The following ABCC1 variants were observed in gnomAD, a reference collection of about 807,000 sequenced individuals.
ABCC1 encodes ATP binding cassette subfamily C member 1 (ABCC1 blood group).
In ABCC1, 83 loss-of-function variants were observed where a neutral mutation model predicts 172.9. The ratio of observed to expected loss-of-function variants is 0.48; its 90% CI spans 0.40 to 0.58. ABCC1 has a LOEUF of 0.58. Ranked by LOEUF, ABCC1 falls within the 20% of genes least tolerant of loss-of-function variation. The probability of loss-of-function intolerance (pLI) is 0.00; values close to 1 mark genes in which losing one functional copy is unlikely to be tolerated. For missense variants in ABCC1, 1,817 were observed against 2,002.7 expected, an observed-to-expected ratio of 0.91 and a Z score of 1.77; for synonymous variants, 937 against 825.2, an observed-to-expected ratio of 1.14 and a Z score of -2.32.
At chr16:16,051,498 A>G (rs772487309) in intron 10 of ABCC1, among the ~76,000 whole-genome samples, 7 of 152,082 alleles carry the variant, frequency 4.6e-5, no homozygotes, top group Non-Finnish European at 1.0e-4. Flanking sequence ...AATACAGCAA[A>G]ATTAGCAAGG....
Position 16,106,608 on chromosome 16 carries a change from A to G in ABCC1, c.2736-130A>G, listed in dbSNP as rs1438678225. ...TGCATATATTCATATATATGTTTAC[A>G]TGTGTGCATGTGGAAACACTCCGTC... On this transcript the variant is annotated intron_variant, in intron 20 of 30. Coordinates refer to ENST00000399410, the MANE Select transcript of ABCC1 (RefSeq NM_004996.4). 2.6e-5 allele frequency: 27 copies of G among 1,040,554 alleles called. 1 individual carries two copies. The East Asian group carries it at 6.0e-4, about 23-fold the overall frequency. The allele number at this position is 1,040,554 out of a possible 1,614,324, so 64.5% of individuals were successfully genotyped here.
At chr16:16,043,035 AT>A (rs923654204) in intron 7 of ABCC1, among the ~76,000 whole-genome samples, 1 of 150,784 alleles carries the variant, frequency 6.6e-6, no homozygotes. Flanking sequence ...CTAATTTTTT[AT>A]ATTTTTAGTA....
At chr16:16,036,420 C>G (rs2048757649) in intron 6 of ABCC1, 52 bp from the exon 7 acceptor site, 7 of 1,569,146 alleles carry the variant, frequency 4.5e-6, no homozygotes, top group East Asian at 2.3e-5. Flanking sequence ...CGTCCTCCCC[C>G]TCCTCCTGTC....
At chr16:16,106,671 G>T in intron 20 of ABCC1, 67 bp from the exon 21 acceptor site, 8 of 1,604,024 alleles carry the variant, frequency 5.0e-6, no homozygotes, top group Non-Finnish European at 6.8e-6. Flanking sequence ...AGCAGTCCCA[G>T]CAGGGAGCCC....
intron 5 of ABCC1, among the ~76,000 whole-genome samples, 170 bp from the exon 6 acceptor site, chr16:16,032,939 C>G (rs568489190): frequency 6.6e-6 from 1 of 152,322 alleles, no homozygotes; most frequent in South Asian, 2.1e-4. Flanking sequence ...GAATTTCTTT[C>G]TCCTGGCTAT....
At chr16:16,091,104 T>C (rs1247781561) in intron 19 of ABCC1, among the ~76,000 whole-genome samples, 1 of 151,934 alleles carries the variant, frequency 6.6e-6, no homozygotes, top group Non-Finnish European at 1.5e-5. Flanking sequence ...TTCAGACCCA[T>C]CTGAGCTTCA....
At chr16:16,130,674 T>C (rs1481857613) in intron 26 of ABCC1, among the ~76,000 whole-genome samples, 1 of 152,196 alleles carries the variant, frequency 6.6e-6, no homozygotes, top group African/African-American at 2.4e-5. Context: ...TATTACCTTA[T>C]CCAGCCTAAT....
chr16:16,033,049 A>G, intron 5 of ABCC1, 60 bp from the exon 6 acceptor site: 3 of 1,548,266 alleles, frequency 1.9e-6, no homozygotes, highest in South Asian at 1.1e-5. Flanking sequence ...TCTGACCTGG[A>G]TGAAAAGTCA....
At chr16:15,970,264 A>G (rs918717796) in intron 1 of ABCC1, among the ~76,000 whole-genome samples, 2 of 152,182 alleles carry the variant, frequency 1.3e-5, no homozygotes, top group Admixed American at 1.3e-4. Context: ...ATGGATCAAG[A>G]TGATGCATCT....
chr16:15,981,015 G>T (rs967526203), intron 1 of ABCC1, among the ~76,000 whole-genome samples: 1 of 152,226 alleles, frequency 6.6e-6, no homozygotes, highest in Non-Finnish European at 1.5e-5. Context: ...CTGAAATCCA[G>T]TGGGGCAGTC....
chr16:16,046,164 G>C (rs1488934079), intron 9 of ABCC1, 151 bp downstream of exon 9: 5 of 817,386 alleles, frequency 6.1e-6, no homozygotes, highest in Non-Finnish European at 9.6e-6. Context: ...GGCAGGGACA[G>C]CACGCATCAG....
intron 1 of ABCC1, among the ~76,000 whole-genome samples, 185 bp from the exon 2 acceptor site, chr16:16,007,631 C>T (rs1280703870): frequency 1.3e-5 from 2 of 152,064 alleles, no homozygotes; most frequent in Non-Finnish European, 2.9e-5. Context: ...ATCCCTTGTT[C>T]CTCATTTCTT....
chr16:16,098,997 A>G (rs771548528), intron 19 of ABCC1: 14 of 1,129,560 alleles, frequency 1.2e-5, no homozygotes, highest in Non-Finnish European at 1.6e-5. Context: ...GTGCCGTCAG[A>G]TGTCTGTGTT....
At chr16:16,140,607 A>G (rs1313053645) in intron 30 of ABCC1, among the ~76,000 whole-genome samples, 1 of 152,232 alleles carries the variant, frequency 6.6e-6, no homozygotes, top group African/African-American at 2.4e-5. Flanking sequence ...GGCAGTGTCA[A>G]ATCTTACAGG....
intron 18 of ABCC1, among the ~76,000 whole-genome samples, chr16:16,089,080 T>G (rs1230180973): frequency 1.3e-5 from 2 of 152,150 alleles, no homozygotes; most frequent in Non-Finnish European, 2.9e-5. Flanking sequence ...AACTGTAAGA[T>G]CCATAAAGCT....
intron 10 of ABCC1, among the ~76,000 whole-genome samples, chr16:16,052,168 A>G (rs1293937873): frequency 6.6e-6 from 1 of 152,096 alleles, no homozygotes; most frequent in Non-Finnish European, 1.5e-5. Flanking sequence ...GATCGAGAGC[A>G]GTTTGAGTAA....
intron 28 of ABCC1, 117 bp downstream of exon 28, chr16:16,134,625 CT>C (rs67073334): frequency 0.012 from 4,348 of 351,656 alleles, 26 homozygotes; most frequent in Non-Finnish European, 0.014. Context: ...CTTCATCGTT[CT>C]TTTTTTTTTT....
rs538845383 is a variant in ABCC1 at position 16,070,626 on chromosome 16, C to T, written c.1825-1016C>T. 1.4e-3 allele frequency among the ~76,000 whole-genome samples: 218 copies of T among 152,292 alleles called. 1 individual carries two copies. The highest frequency in any genetic ancestry group is 5.1e-3 in the African/African-American group (210 of 41,564). On this transcript the variant is annotated intron_variant, in intron 13 of 30. Transcript: ENST00000399410. ...CTTGCAGTGAGCCGAGATTGCGCCA[C>T]TGCACTCCAGCCTGGGTGACAGAGC...
chr16:15,950,192 T>A (rs2045836088), intron 1 of ABCC1, among the ~76,000 whole-genome samples: 1 of 150,206 alleles, frequency 6.7e-6, no homozygotes, highest in Non-Finnish European at 1.5e-5. Flanking sequence ...ATCTTTTTTG[T>A]GGTTAGGGTC....
Sources: gnomAD v4.1 joint callset for allele counts (sites outside exome capture counted in the v4.1 genomes callset) on GRCh38, gnomAD v4.1.1 for gene constraint, MANE v1.5 for transcripts, NCBI Gene and HGNC (gene_info 2026-07-23, HGNC 2026-07-21) for gene names.